BTRC: variants seen among roughly 807,000 people sequenced by gnomAD.
BTRC encodes the protein beta-transducin repeat containing E3 ubiquitin protein ligase.
In BTRC, 42 loss-of-function variants were observed where a neutral mutation model predicts 85.5. That is an observed-to-expected ratio of 0.49 (90% confidence interval 0.38 to 0.64). The LOEUF (loss-of-function observed/expected upper bound fraction) is 0.64, where lower values mean the gene tolerates loss of function less well. BTRC is among the 30% of genes least tolerant of loss of function. The pLI is 0.00. For missense variants in BTRC, 594 were observed against 743.5 expected, an observed-to-expected ratio of 0.80 and a Z score of 2.34; for synonymous variants, 255 against 263.3, an observed-to-expected ratio of 0.97 and a Z score of 0.30.
intron 1 of BTRC, among the ~76,000 whole-genome samples, chr10:101,386,561 A>G (rs967618194): frequency 2.6e-5 from 4 of 152,360 alleles, no homozygotes; most frequent in South Asian, 2.1e-4. Flanking sequence ...GTTATCCCAC[A>G]TGCTACTTAG....
At chr10:101,443,595 T>C (rs1944747951) in intron 2 of BTRC, among the ~76,000 whole-genome samples, 1 of 152,222 alleles carries the variant, frequency 6.6e-6, no homozygotes, top group South Asian at 2.1e-4. Context: ...AACAAGTATA[T>C]AGCATAGAAA....
chr10:101,407,730 T>TTC (rs1006227329), intron 1 of BTRC, among the ~76,000 whole-genome samples: 3 of 147,274 alleles, frequency 2.0e-5, no homozygotes, highest in African/African-American at 7.4e-5. Flanking sequence ...TTCTTTTTCT[T>TTC]TTTTTTTTTT....
intron 1 of BTRC, among the ~76,000 whole-genome samples, chr10:101,368,970 G>C (rs1590210266): frequency 6.6e-6 from 1 of 152,144 alleles, no homozygotes; most frequent in African/African-American, 2.4e-5. Flanking sequence ...AGTGAGCTGA[G>C]ATGGTACTAC....
chr10:101,552,706 T>C (rs2062671453), intron 14 of BTRC, among the ~76,000 whole-genome samples: 2 of 152,186 alleles, frequency 1.3e-5, no homozygotes, highest in Non-Finnish European at 2.9e-5. Context: ...TCAACTGCAC[T>C]GTCCCCTCCT....
chr10:101,522,376 AC>A lies in BTRC; in HGVS notation c.556+507del, dbSNP rs1234109851. Among the ~76,000 whole-genome samples the A allele has an allele frequency of 3.9e-3, 251 of 65,048 alleles. 14 individuals are homozygous for A. Among genetic ancestry groups the A allele is most frequent in the African/African-American group, 8.4e-3 (147 of 17,542 alleles). The allele number at this position is 65,048 out of a possible 152,430, so 42.7% of individuals were successfully genotyped here. On this transcript the variant is annotated intron_variant, in intron 5 of 14. Transcript: ENST00000370187. ...TTAAAAAAAAAAAAAACAAAAAAAA[AC>A]AAAAAAAAAAAAACTCTAGAAATAA...
intron 1 of BTRC, among the ~76,000 whole-genome samples, chr10:101,373,365 C>G (rs1231755748): frequency 6.6e-6 from 1 of 151,968 alleles, no homozygotes; most frequent in African/African-American, 2.4e-5. Context: ...TGGGCTTGAG[C>G]TAGGGCAGTA....
intron 2 of BTRC, among the ~76,000 whole-genome samples, chr10:101,443,342 G>A (rs1354576643): frequency 1.3e-5 from 2 of 152,152 alleles, no homozygotes; most frequent in South Asian, 2.1e-4. Context: ...GTAGTCCTGC[G>A]CAACATTAAA....
At chr10:101,479,597 C>T (rs574520092) in intron 4 of BTRC, 140 bp downstream of exon 4, 6 of 568,766 alleles carry the variant, frequency 1.1e-5, no homozygotes, top group African/African-American at 9.4e-5. Context: ...ATCATTTTAT[C>T]TAGAACAGAT....
chr10:101,376,135 G>A (rs1942784828), intron 1 of BTRC, among the ~76,000 whole-genome samples: 1 of 152,198 alleles, frequency 6.6e-6, no homozygotes, highest in Non-Finnish European at 1.5e-5. Context: ...AGACCAGTCT[G>A]GCCAATGTGG....
intron 1 of BTRC, among the ~76,000 whole-genome samples, chr10:101,381,033 ACC>A (rs1226126823): frequency 1.6e-4 from 24 of 152,286 alleles, no homozygotes; most frequent in African/African-American, 5.8e-4. Flanking sequence ...ATTTTATGAG[ACC>A]ACTGTTGCAT....
Position 101,557,238 on chromosome 10 carries a change from TG to T in BTRC, c.*4116del, listed in dbSNP as rs1286822670. 1 of 152,194 alleles carries T rather than the reference TG, an allele frequency of 6.6e-6. No homozygotes were observed. Among genetic ancestry groups the T allele is most frequent in the African/African-American group, 2.4e-5 (1 of 41,438 alleles). 9.4% of individuals were successfully genotyped at this position (152,194 alleles called of 1,614,324 possible). On this transcript the variant is annotated 3_prime_UTR_variant, in exon 15 of 15. Transcript: ENST00000370187. The stretch of plus-strand genomic sequence containing the variant: ...CCAATATGTTCACAACCTAGGATCA[TG>T]ATAATGGAGTGTGTTTTGGGTTTTT...
At position 101,400,324 on chromosome 10, in the gene BTRC, A is replaced by G. The variant is rs143469890; in HGVS notation, c.49-30021A>G. Among the ~76,000 whole-genome samples the G allele has an allele frequency of 6.1e-3, 921 of 152,208 alleles. 7 individuals are homozygous for G. Among genetic ancestry groups the G allele is most frequent in the African/African-American group, 0.021 (865 of 41,544 alleles). On this transcript the variant is annotated intron_variant, in intron 1 of 14. Coordinates refer to ENST00000370187, the MANE Select transcript of BTRC (RefSeq NM_033637.4). ...TATTCTCTTTCTTAATGAGCAAGTA[A>G]TTTTCTTTTCTCTACTTCTACACAA...
At chr10:101,405,505 A>G (rs1358853748) in intron 1 of BTRC, among the ~76,000 whole-genome samples, 2 of 152,174 alleles carry the variant, frequency 1.3e-5, no homozygotes, top group East Asian at 3.8e-4. Context: ...CTTTTCCTGG[A>G]GCTCTCTTTA....
intron 2 of BTRC, among the ~76,000 whole-genome samples, chr10:101,442,975 G>C (rs962669648): frequency 6.9e-6 from 1 of 145,650 alleles, no homozygotes; most frequent in Non-Finnish European, 1.5e-5. Flanking sequence ...TCTGCCTCTC[G>C]GGTTCACACC....
At chr10:101,517,818 A>G (rs2062042900) in intron 4 of BTRC, among the ~76,000 whole-genome samples, 1 of 152,102 alleles carries the variant, frequency 6.6e-6, no homozygotes, top group Non-Finnish European at 1.5e-5. Context: ...TTCAGAATAT[A>G]CACTGAATCC....
chr10:101,550,939 A>AAGG, intron 14 of BTRC, 48 bp downstream of exon 14: 1 of 1,476,940 alleles, frequency 6.8e-7, no homozygotes, highest in South Asian at 1.4e-5. Flanking sequence ...GAGACGGGAT[A>AAGG]TTAGCTGTAA....
chr10:101,375,671 A>G (rs1942771752), intron 1 of BTRC, among the ~76,000 whole-genome samples: 1 of 152,240 alleles, frequency 6.6e-6, no homozygotes, highest in Non-Finnish European at 1.5e-5. Context: ...GCAAGGAACT[A>G]AATAATTGAT....
At chr10:101,438,141 G>A (rs993779078) in intron 2 of BTRC, among the ~76,000 whole-genome samples, 1 of 152,092 alleles carries the variant, frequency 6.6e-6, no homozygotes, top group Non-Finnish European at 1.5e-5. Flanking sequence ...AGAAGGGAAA[G>A]AATAGCAATA....
intron 4 of BTRC, among the ~76,000 whole-genome samples, chr10:101,512,009 A>AT (rs1404624983): frequency 1.3e-5 from 2 of 152,200 alleles, no homozygotes; most frequent in Non-Finnish European, 2.9e-5. Flanking sequence ...GGTTTGTGAA[A>AT]TTAACATATT....
Sources: gnomAD v4.1 joint callset for allele counts (sites outside exome capture counted in the v4.1 genomes callset) on GRCh38, gnomAD v4.1.1 for gene constraint, MANE v1.5 for transcripts, NCBI Gene and HGNC (gene_info 2026-07-23, HGNC 2026-07-21) for gene names.